The following RAB21 variants were observed in gnomAD, a reference collection of about 807,000 sequenced individuals.
RAB21 encodes ras-related protein Rab-21.
A neutral mutation model predicts 33.1 loss-of-function variants in RAB21; 13 were observed. The ratio of observed to expected loss-of-function variants is 0.39; its 90% CI spans 0.26 to 0.62. RAB21 has a LOEUF of 0.62. Ranked by LOEUF, RAB21 falls within the 20% of genes least tolerant of loss-of-function variation. The pLI, the probability that RAB21 is intolerant of heterozygous loss-of-function variation, is 0.48. For missense variants in RAB21, 234 were observed against 279.1 expected (o/e 0.84, Z 1.15); for synonymous variants, 91 against 103.7 (o/e 0.88, Z 0.74).
intron 6 of RAB21, among the ~76,000 whole-genome samples, chr12:71,784,804 C>T (rs1399120834): frequency 3.3e-5 from 5 of 152,026 alleles, no homozygotes; most frequent in East Asian, 1.9e-4. Flanking sequence ...CTTCAAATAT[C>T]GCTGTGGTCA....
intron 1 of RAB21, among the ~76,000 whole-genome samples, chr12:71,765,985 C>T (rs900008620): frequency 4.3e-4 from 65 of 151,988 alleles, no homozygotes; most frequent in South Asian, 1.5e-3. Context: ...AGATGATTTA[C>T]GAAACAGAAT....
chr12:71,760,377 A>AT (rs568589694), intron 1 of RAB21, among the ~76,000 whole-genome samples: 2 of 152,100 alleles, frequency 1.3e-5, no homozygotes, highest in African/African-American at 4.8e-5. Context: ...TAACTTATAT[A>AT]GAGTCCCCAA....
chr12:71,782,547 C>T (rs750633084), intron 5 of RAB21, 23 bp from the exon 6 acceptor site: 1 of 1,477,098 alleles, frequency 6.8e-7, no homozygotes, highest in Non-Finnish European at 9.3e-7. Flanking sequence ...TTACATCAAT[C>T]ACCGATGTTA....
Position 71,782,067 on chromosome 12 carries a change from C to A in RAB21, c.428C>A (p.Ser143Tyr), listed in dbSNP as rs746787969. 2 of 1,607,714 alleles carry A rather than the reference C, an allele frequency of 1.2e-6. No homozygotes were observed. Among genetic ancestry groups the A allele is most frequent in the South Asian group, 2.2e-5 (2 of 90,728 alleles). Residue 143 changes from serine to tyrosine, a missense_variant, in exon 5 of 7, where the codon TCC (serine) becomes TAC (tyrosine). By Grantham distance (144) the Ser-to-Tyr change is moderately radical (BLOSUM62 -2). Transcript: ENST00000261263. ...KIDLEKERHV[S>Y]IQEAESYAES... ...GACTTGGAAAAGGAGAGACATGTTT[C>A]CATTCAAGAAGCAGAGTCGTAAGTA...
At chr12:71,768,344 C>G (rs979962336) in intron 1 of RAB21, among the ~76,000 whole-genome samples, 1 of 152,132 alleles carries the variant, frequency 6.6e-6, no homozygotes, top group African/African-American at 2.4e-5. Flanking sequence ...CAGTAATTCA[C>G]CATCCTGACC....
At position 71,795,888 on chromosome 12, in the gene RAB21, C is replaced by T. The variant is rs574194441; in HGVS notation, c.*10215C>T. The T allele has an allele frequency of 4.4e-5, 6 of 137,762 alleles. No individual in the cohort carries two copies. Among genetic ancestry groups the T allele is most frequent in the Non-Finnish European group, 7.6e-5 (5 of 66,048 alleles). 8.5% of individuals were successfully genotyped at this position (137,762 alleles called of 1,614,324 possible). A position where few individuals can be genotyped will look rare whatever the true frequency, so the allele number is the denominator to read the frequency against. ...TCTTCAGTTTTTCAAGATAATTTTG[C>T]TGTTTTTGCTTTTTATTTATTTGCA... On this transcript the variant is annotated 3_prime_UTR_variant, in exon 7 of 7. Coordinates refer to ENST00000261263, the MANE Select transcript of RAB21 (RefSeq NM_014999.4).
chr12:71,760,095 A>T (rs1882848660), intron 1 of RAB21, among the ~76,000 whole-genome samples: 1 of 152,224 alleles, frequency 6.6e-6, no homozygotes. Flanking sequence ...AAAAAGGGTA[A>T]TGGGATTATT....
chr12:71,782,844 G>C (rs984147254), intron 6 of RAB21, among the ~76,000 whole-genome samples, 186 bp downstream of exon 6: 3 of 151,758 alleles, frequency 2.0e-5, no homozygotes, highest in African/African-American at 7.3e-5. Context: ...CTTTAACCCT[G>C]TTTCAAGCAG....
At chr12:71,765,561 C>G (rs1249059436) in intron 1 of RAB21, among the ~76,000 whole-genome samples, 3 of 152,066 alleles carry the variant, frequency 2.0e-5, no homozygotes, top group Non-Finnish European at 4.4e-5. Flanking sequence ...CCAATGTTAT[C>G]CCCTAGAATT....
intron 3 of RAB21, among the ~76,000 whole-genome samples, chr12:71,771,181 G>T (rs1216389394): frequency 6.6e-6 from 1 of 152,138 alleles, no homozygotes; most frequent in Non-Finnish European, 1.5e-5. Flanking sequence ...GTTTTAAAAG[G>T]ACAGTCTTAA....
At chr12:71,757,777 T>A (rs906224690) in intron 1 of RAB21, among the ~76,000 whole-genome samples, 1 of 152,202 alleles carries the variant, frequency 6.6e-6, no homozygotes, top group Admixed American at 6.5e-5. Context: ...AGAGTTCACC[T>A]TTTTTCTCGT....
In RAB21 at chr12:71,758,267, A is replaced by G. The variant is rs549827260; in HGVS notation, c.159+2979A>G. The stretch of plus-strand genomic sequence containing the variant: ...AGGCTGGTCTCGAACTCCTGACCTC[A>G]GGTGATCCACCTGCCTCGGCCTCCC... On this transcript the variant is annotated intron_variant, in intron 1 of 6. Transcript: ENST00000261263. Among the ~76,000 whole-genome samples the G allele has an allele frequency of 3.3e-5, 5 of 152,138 alleles. No individual in the cohort carries two copies. The East Asian group carries it at 9.7e-4, about 30-fold the overall frequency.
chr12:71,758,224 G>T (rs527970457), intron 1 of RAB21, among the ~76,000 whole-genome samples: 1 of 152,010 alleles, frequency 6.6e-6, no homozygotes, highest in South Asian at 2.1e-4. Context: ...GTAGCGATGG[G>T]ATTTTGCCGT....
At position 71,755,016 on chromosome 12, in the gene RAB21, G is replaced by C; in HGVS notation, c.-114G>C. 4.2e-6 allele frequency: 4 copies of C among 963,508 alleles called. No homozygotes were observed. Among genetic ancestry groups the C allele is most frequent in the Non-Finnish European group, 5.0e-6 (4 of 805,908 alleles). 59.7% of individuals were successfully genotyped at this position (963,508 alleles called of 1,614,324 possible). The stretch of plus-strand genomic sequence containing the variant: ...CGAGGAGGGCGTGGGGACAGCGCCC[G>C]GGTCGGCGGGGCCGGGGCGGTGGGG... On this transcript the variant is annotated 5_prime_UTR_variant, in exon 1 of 7. Transcript: ENST00000261263.
rs1214045244 is a variant in RAB21, at chr12:71,788,033, C to T, written c.*2360C>T. 6.6e-6 allele frequency: 1 copy of T among 152,114 alleles called. No homozygotes were observed. The highest frequency in any genetic ancestry group is 1.9e-4 in the East Asian group (1 of 5,184). The allele number at this position is 152,114 out of a possible 1,614,324, so 9.4% of individuals were successfully genotyped here. A position where few individuals can be genotyped will look rare whatever the true frequency, so the allele number is the denominator to read the frequency against. The stretch of plus-strand genomic sequence containing the variant: ...GGCACAGAGGCATGCATTTGTAGGG[C>T]CAGCTACTTGGGAGAGTGAGGCAGG... On this transcript the variant is annotated 3_prime_UTR_variant, in exon 7 of 7. Coordinates refer to ENST00000261263, the MANE Select transcript of RAB21 (RefSeq NM_014999.4).
rs1285901217 is a variant in RAB21 at position 71,788,163 on chromosome 12, T to A, written c.*2490T>A. The A allele has an allele frequency of 6.6e-6, 1 of 152,010 alleles. No individual in the cohort carries two copies. Among genetic ancestry groups the A allele is most frequent in the Non-Finnish European group, 1.5e-5 (1 of 67,998 alleles). The allele number at this position is 152,010 out of a possible 1,614,324, so 9.4% of individuals were successfully genotyped here. On this transcript the variant is annotated 3_prime_UTR_variant, in exon 7 of 7. Coordinates refer to ENST00000261263, the MANE Select transcript of RAB21 (RefSeq NM_014999.4). ...TTAGAGATGAAATTGAGCTTTATTT[T>A]AAAAAAACGTTCTAAAGCCTGATAA...
chr12:71,774,207 G>A (rs1883084757), intron 4 of RAB21, 185 bp downstream of exon 4: 1 of 332,352 alleles, frequency 3.0e-6, no homozygotes, highest in East Asian at 5.9e-5. Context: ...AGCGCCTTGG[G>A]AGGCCAAAGT....
At chr12:71,766,786 A>G (rs1403640279) in intron 1 of RAB21, among the ~76,000 whole-genome samples, 2 of 152,246 alleles carry the variant, frequency 1.3e-5, no homozygotes, top group Non-Finnish European at 2.9e-5. Flanking sequence ...AATAGGCTCA[A>G]ATTAGAGTGG....
chr12:71,775,050 A>G (rs1357706958), intron 4 of RAB21, among the ~76,000 whole-genome samples: 1 of 152,202 alleles, frequency 6.6e-6, no homozygotes, highest in Non-Finnish European at 1.5e-5. Context: ...ATACAAGTAG[A>G]TCATGATCCC....
Sources: gnomAD v4.1 joint callset for allele counts (sites outside exome capture counted in the v4.1 genomes callset) on GRCh38, gnomAD v4.1.1 for gene constraint, MANE v1.5 for transcripts, NCBI Gene and HGNC (gene_info 2026-07-23, HGNC 2026-07-21) for gene names.